Variants in SPAG5 observed in about 807,000 individuals in gnomAD.
The protein encoded by SPAG5 is sperm associated antigen 5.
A neutral mutation model predicts 145.4 loss-of-function variants in SPAG5; 99 were observed. The observed-to-expected ratio is 0.68, with a 90% CI of 0.58 to 0.80. The LOEUF is 0.80. SPAG5 is among the 30% of genes least tolerant of loss of function. The pLI, the probability that SPAG5 is intolerant of heterozygous loss-of-function variation, is 0.00. For synonymous variants in SPAG5, 477 were observed against 525.4 expected, an observed-to-expected ratio of 0.91 and a Z score of 1.26; for missense variants, 1,192 against 1,416.0, an observed-to-expected ratio of 0.84 and a Z score of 2.54.
chr17:28,585,546 G>T lies in SPAG5; in HGVS notation c.1848C>A (p.Ala616=). 6.2e-7 allele frequency: 1 copy of T among 1,613,996 alleles called. No individual in the cohort carries two copies. Among genetic ancestry groups the T allele is most frequent in the Non-Finnish European group, 8.5e-7 (1 of 1,180,040 alleles). Residue 616 remains alanine, a synonymous_variant, in exon 8 of 24, where the codon GCC becomes GCA. Transcript: ENST00000321765. The part of the protein sequence containing the change: ...MREFRGLLKD[A]QTQLVGLHAK... ...GCCCTTAAATTACCAGTTGGGTCTG[G>T]GCATCCTTCAGAAGGCCTCTGAATT...
At chr17:28,586,617 C>T (rs2070587195) in intron 4 of SPAG5, 118 bp from the exon 5 acceptor site, 3 of 759,830 alleles carry the variant, frequency 3.9e-6, no homozygotes, top group Non-Finnish European at 4.5e-6. Context: ...CTGCAACCTC[C>T]ACCTCCCAGG....
Position 28,585,712 on chromosome 17 carries a change from A to G in SPAG5, c.1741-59T>C. ...GCAACAGGGGAGCCAGCACAAAAAG[A>G]TGTAACCATGACACCTCAATAGATC... is the stretch of plus-strand genomic sequence containing the variant. On this transcript the variant is annotated intron_variant, in intron 7 of 23. Coordinates refer to ENST00000321765, the MANE Select transcript of SPAG5 (RefSeq NM_006461.4). 5 of 1,611,194 alleles carry G rather than the reference A, an allele frequency of 3.1e-6. No individual in the cohort carries two copies. In the South Asian group the frequency reaches 4.4e-5, roughly 14 times the overall value.
intron 4 of SPAG5, among the ~76,000 whole-genome samples, chr17:28,587,274 C>T (rs576988168): frequency 7.4e-5 from 11 of 148,396 alleles, no homozygotes; most frequent in Middle Eastern, 3.6e-3. Context: ...AGGCTGGGCG[C>T]GGTGGCGCAC....
Position 28,578,218 on chromosome 17 carries a change from A to G in SPAG5, c.3429T>C (p.His1143=), listed in dbSNP as rs771894442. The G allele has an allele frequency of 6.8e-6, 11 of 1,614,030 alleles. No individual in the cohort carries two copies. Among genetic ancestry groups the G allele is most frequent in the East Asian group, 2.2e-5 (1 of 44,900 alleles). The change falls in exon 22 of 24, where the codon CAT becomes CAC. Residue 1143 remains histidine (H), a splice_region_variant and synonymous_variant. Coordinates refer to ENST00000321765, the MANE Select transcript of SPAG5 (RefSeq NM_006461.4). Reference sequence around the variant, plus strand: ...CCTGGAATGGCATGGACATTCTTACATGGCTCTGGAACTTGATCATGAGTT... The same window carrying G: ...CCTGGAATGGCATGGACATTCTTACGTGGCTCTGGAACTTGATCATGAGTT... The part of the protein sequence containing the change: ...KEKLMIKFQS[H]RNILEENLRR...
At chr17:28,587,778 T>G (rs1315906469) in intron 4 of SPAG5, among the ~76,000 whole-genome samples, 1 of 151,480 alleles carries the variant, frequency 6.6e-6, no homozygotes, top group East Asian at 1.9e-4. Context: ...AAATAGAGTA[T>G]GCTTACCAGC....
intron 20 of SPAG5, 31 bp from the exon 21 acceptor site, chr17:28,578,559 G>A: frequency 6.2e-7 from 1 of 1,609,478 alleles, no homozygotes; most frequent in Non-Finnish European, 8.5e-7. Flanking sequence ...GTGTCCAATA[G>A]GACATAAGGA....
In SPAG5 at chr17:28,598,981, C is replaced by T. The variant is rs748956044; in HGVS notation, c.-35G>A. The stretch of plus-strand genomic sequence containing the variant: ...GAAGGCAGGCCTATCACGTCTCAGA[C>T]CAAGTCGAGGACGCCATGTTCACCC... On this transcript the variant is annotated 5_prime_UTR_variant, in exon 1 of 24. The change creates a premature stop within an existing upstream ORF in the 5' untranslated region. Transcript: ENST00000321765. 2 of 1,608,792 alleles carry T rather than the reference C, an allele frequency of 1.2e-6. No homozygotes were observed. Among genetic ancestry groups the T allele is most frequent in the Non-Finnish European group, 8.5e-7 (1 of 1,175,268 alleles).
chr17:28,598,726 G>C, intron 1 of SPAG5, 91 bp from the exon 2 acceptor site: 1 of 1,536,952 alleles, frequency 6.5e-7, no homozygotes. Context: ...CCCAAAATGC[G>C]ATTAGAAGAG....
Position 28,582,536 on chromosome 17 carries a change from G to C in SPAG5, c.2685+975C>G, listed in dbSNP as rs192301700. On this transcript the variant is annotated intron_variant, in intron 15 of 23. Coordinates refer to ENST00000321765, the MANE Select transcript of SPAG5 (RefSeq NM_006461.4). ...TGCTCCCCTCTCTATCTCTCACAGTGGTCCATGCAGACCTCTACCATGATC... is the reference window on the plus strand; with the variant it reads ...TGCTCCCCTCTCTATCTCTCACAGTCGTCCATGCAGACCTCTACCATGATC... 1.6e-3 allele frequency among the ~76,000 whole-genome samples: 246 copies of C among 152,242 alleles called. 1 individual carries two copies. Among genetic ancestry groups the C allele is most frequent in the African/African-American group, 5.8e-3 (239 of 41,524 alleles).
intron 7 of SPAG5, 79 bp from the exon 8 acceptor site, chr17:28,585,732 T>C (rs1335453182): frequency 4.0e-5 from 64 of 1,608,978 alleles, no homozygotes; most frequent in Admixed American, 8.3e-5. Context: ...GACACCTCAA[T>C]AGATCAGTTC....
Position 28,591,310 on chromosome 17 carries a change from CAG to C in SPAG5, c.1437+386_1437+387del, listed in dbSNP as rs200004497. On this transcript the variant is annotated intron_variant, in intron 4 of 23. Coordinates refer to ENST00000321765, the MANE Select transcript of SPAG5 (RefSeq NM_006461.4). ...TCCTCAGCTTTTTTGTTTTAAGAGA[CAG>C]GGTTTCACTGTCTTGCCCATGATCA... Among the ~76,000 whole-genome samples the C allele has an allele frequency of 2.6e-5, 4 of 152,310 alleles. No individual in the cohort carries two copies. In the East Asian group the frequency reaches 7.7e-4, roughly 29 times the overall value.
intron 4 of SPAG5, among the ~76,000 whole-genome samples, chr17:28,589,236 T>C (rs780070853): frequency 3.9e-4 from 59 of 151,972 alleles, no homozygotes; most frequent in Non-Finnish European, 7.8e-4. Context: ...GTAGCTGGAA[T>C]TACAGGTGCC....
Position 28,598,633 on chromosome 17 carries a change from T to C in SPAG5, c.54A>G (p.Gly18=). 3.8e-6 allele frequency: 6 copies of C among 1,590,952 alleles called. No homozygotes were observed. Among genetic ancestry groups the C allele is most frequent in the Non-Finnish European group, 4.3e-6 (5 of 1,166,048 alleles). The change falls in exon 2 of 24, where the codon GGA becomes GGG. Residue 18 remains glycine, a splice_region_variant and synonymous_variant. Transcript: ENST00000321765. ...GGAGAGGAGTTCTCATAGATGGTTT[T>C]CCCTGAGAAAGAAACCAAGAAAGAG... The part of the protein sequence containing the change: ...SLSLSPSPQT[G]KPSMRTPLRE...
Position 28,583,525 on chromosome 17 carries a change from T to C in SPAG5, c.2671A>G (p.Lys891Glu). ...LQSLTLFLQT[K>E]LKEKTEQETL... Reference sequence around the variant, plus strand: ...CAGGATCCTACCTTCTCCTTTAGTTTTGTCTGTAGAAAGAGAGTCAGGCTC... The same window carrying C: ...CAGGATCCTACCTTCTCCTTTAGTTCTGTCTGTAGAAAGAGAGTCAGGCTC... Residue 891 changes from lysine (K) to glutamate (E), a missense_variant, in exon 15 of 24, where the codon AAA becomes GAA. This residue lies in a region of SPAG5 where 709 missense variants were observed against 840.7 expected (regional missense o/e 0.84). Transcript: ENST00000321765. 1 of 1,601,768 alleles carries C rather than the reference T, an allele frequency of 6.2e-7. No homozygotes were observed. Among genetic ancestry groups the C allele is most frequent in the South Asian group, 1.1e-5 (1 of 88,504 alleles).
At position 28,583,490 on chromosome 17, in the gene SPAG5, G is replaced by A. The variant is rs1211253617; in HGVS notation, c.2685+21C>T. On this transcript the variant is annotated intron_variant, in intron 15 of 23. Transcript: ENST00000321765. ...ATAAAGATACAATTGGAAGAGAAGA[G>A]AAGGAACCCCAGGATCCTACCTTCT... 1.9e-6 allele frequency: 3 copies of A among 1,558,386 alleles called. No individual in the cohort carries two copies. The East Asian group carries it at 6.8e-5, about 35-fold the overall frequency.
intron 16 of SPAG5, 23 bp downstream of exon 16, chr17:28,579,986 C>A (rs779476767): frequency 2.3e-5 from 37 of 1,592,534 alleles, no homozygotes; most frequent in Non-Finnish European, 3.1e-5. Context: ...ACTTTCCCAC[C>A]CCCAAATCCC....
Position 28,579,146 on chromosome 17 carries a change from A to G in SPAG5, c.3112T>C (p.Tyr1038His). 2.5e-6 allele frequency: 4 copies of G among 1,612,162 alleles called. No individual in the cohort carries two copies. Among genetic ancestry groups the G allele is most frequent in the Non-Finnish European group, 3.4e-6 (4 of 1,179,006 alleles). The change falls in exon 19 of 24, where the codon TAC (tyrosine) becomes CAC (histidine). Residue 1038 changes from tyrosine to histidine, a missense_variant. Transcript: ENST00000321765. ...EKLNQALCLR[Y>H]KNEKELQEVI... The stretch of plus-strand genomic sequence containing the variant: ...CTTCTAGGTCCCTCCTTCACCTTGT[A>G]GCGCAAGCACAAGGCCTGGTTCAGC...
In SPAG5 at chr17:28,579,160, G is replaced by C; in HGVS notation, c.3098C>G (p.Ala1033Gly). Residue 1033 changes from alanine (A) to glycine (G), a missense_variant, in exon 19 of 24, where the codon GCC becomes GGC. By Grantham distance (60) the Ala-to-Gly change is moderately conservative. Transcript: ENST00000321765. ...KEADIEKLNQ[A>G]LCLRYKNEKE... ...CTTCACCTTGTAGCGCAAGCACAAG[G>C]CCTGGTTCAGCTTCTCTATGTCTGC... The C allele has an allele frequency of 6.2e-7, 1 of 1,613,610 alleles. No homozygotes were observed. Among genetic ancestry groups the C allele is most frequent in the South Asian group, 1.1e-5 (1 of 91,054 alleles).
rs1433189237 is a variant in SPAG5, at chr17:28,598,897, G to A, written c.50C>T (p.Thr17Met). The A allele has an allele frequency of 6.8e-6, 11 of 1,614,028 alleles. No homozygotes were observed. The highest frequency in any genetic ancestry group is 9.3e-6 in the Non-Finnish European group (11 of 1,179,926). ...CTCCGCCAGAGATCTCCCGCTTACC[G>A]TCTGGGGCGAAGGCGACAGGCTGAG... ...LSLSLSPSPQ[T>M]GKPSMRTPLR... Residue 17 changes from threonine to methionine, a missense_variant and splice_region_variant, in exon 1 of 24, where the codon ACG becomes ATG. Physicochemically the swap from Thr to Met is moderately conservative, Grantham distance 81 (BLOSUM62 -1). This residue lies in a region of SPAG5 where 329 missense variants were observed against 354.0 expected (regional missense o/e 0.93). Transcript: ENST00000321765.
Sources: allele counts gnomAD v4.1 joint callset (sites outside exome capture counted in the v4.1 genomes callset), GRCh38; gene constraint gnomAD v4.1.1; regional missense constraint gnomAD v4.1.1; transcripts MANE v1.5; gene names NCBI Gene and HGNC (gene_info 2026-07-23, HGNC 2026-07-21).